The following CFAP61 variants were observed in gnomAD, a reference collection of about 807,000 sequenced individuals.
CFAP61 encodes the protein cilia and flagella associated protein 61.
Under a neutral mutation model 135.6 loss-of-function variants are expected in CFAP61, and 107 were observed. That is an observed-to-expected ratio of 0.79 (90% confidence interval 0.67 to 0.93). The LOEUF (loss-of-function observed/expected upper bound fraction) is 0.93. Among genes scored for constraint, CFAP61 ranks in the 40% least tolerant of loss-of-function variants. CFAP61 has a pLI of 0.00. For synonymous variants in CFAP61, 575 were observed against 578.5 expected, an observed-to-expected ratio of 0.99 and a Z score of 0.09; for missense variants, 1,507 against 1,556.2, an observed-to-expected ratio of 0.97 and a Z score of 0.53.
At chr20:20,136,005 A>G (rs2050893209) in intron 8 of CFAP61, among the ~76,000 whole-genome samples, 2 of 152,050 alleles carry the variant, frequency 1.3e-5, no homozygotes, top group Admixed American at 6.5e-5. Flanking sequence ...TGCCAGATAT[A>G]CTATTCTAGG....
At chr20:20,279,199 C>T (rs983933222) in intron 22 of CFAP61, among the ~76,000 whole-genome samples, 23 of 152,034 alleles carry the variant, frequency 1.5e-4, no homozygotes, top group Non-Finnish European at 3.2e-4. Context: ...GAATCAAACT[C>T]CTGACAAAAA....
At chr20:20,340,994 C>G (rs2058423632) in intron 25 of CFAP61, among the ~76,000 whole-genome samples, 1 of 152,100 alleles carries the variant, frequency 6.6e-6, no homozygotes, top group Non-Finnish European at 1.5e-5. Context: ...ACTTTTACGT[C>G]TTGGAAAACG....
intron 19 of CFAP61, 46 bp downstream of exon 19, chr20:20,246,261 C>T (rs1304002477): frequency 8.7e-7 from 1 of 1,151,720 alleles, no homozygotes; most frequent in Non-Finnish European, 1.3e-6. Flanking sequence ...AAATGTCCTA[C>T]TCTGTGTGCA....
intron 6 of CFAP61, among the ~76,000 whole-genome samples, chr20:20,078,576 C>G (rs949957328): frequency 6.6e-6 from 1 of 152,064 alleles, no homozygotes; most frequent in African/African-American, 2.4e-5. Flanking sequence ...TGTGAGTTGT[C>G]AGTTTGTCAG....
At chr20:20,191,226 T>C in intron 14 of CFAP61, 116 bp from the exon 15 acceptor site, 3 of 715,860 alleles carry the variant, frequency 4.2e-6, no homozygotes, top group Middle Eastern at 7.5e-4. Context: ...AAGTAGGTGT[T>C]GATAGATGTT....
At chr20:20,052,932 G>A (rs565319582) in intron 1 of CFAP61, among the ~76,000 whole-genome samples, 2 of 149,298 alleles carry the variant, frequency 1.3e-5, no homozygotes, top group Admixed American at 1.3e-4. Flanking sequence ...ATTCTAAGGT[G>A]CCCAAATAAT....
intron 7 of CFAP61, among the ~76,000 whole-genome samples, chr20:20,096,215 A>G (rs1208918954): frequency 6.6e-6 from 1 of 152,222 alleles, no homozygotes; most frequent in Non-Finnish European, 1.5e-5. Flanking sequence ...TTCATATTTA[A>G]GAATAGTGTT....
intron 9 of CFAP61, among the ~76,000 whole-genome samples, chr20:20,149,282 A>G (rs527529522): frequency 1.3e-5 from 2 of 152,350 alleles, no homozygotes; most frequent in South Asian, 2.1e-4. Context: ...GCAGATCAGT[A>G]TTTCTCATGA....
At chr20:20,098,522 T>A (rs1023694459) in intron 7 of CFAP61, 133 bp from the exon 8 acceptor site, 1 of 714,456 alleles carries the variant, frequency 1.4e-6, no homozygotes, top group Admixed American at 3.0e-5. Flanking sequence ...GGGAGAAGAA[T>A]TGCTTGAACT....
At chr20:20,193,859 C>G (rs1225363478) in intron 15 of CFAP61, among the ~76,000 whole-genome samples, 1 of 152,098 alleles carries the variant, frequency 6.6e-6, no homozygotes, top group East Asian at 1.9e-4. Flanking sequence ...GATGATCTGC[C>G]CCCCTCAACC....
rs575877039 is a variant in CFAP61, at chr20:20,177,635, A to G, written c.1385+8175A>G. ...CCAGCTTTATCCCAGGTGCTGGGGA[A>G]ACAGAAATGATGCAAACAGATAGAA... On this transcript the variant is annotated intron_variant, in intron 13 of 26. Coordinates refer to ENST00000245957, the MANE Select transcript of CFAP61 (RefSeq NM_015585.4). Among the ~76,000 whole-genome samples, 17 of 151,616 alleles carry G rather than the reference A, an allele frequency of 1.1e-4. 1 individual carries two copies. The South Asian group carries it at 3.6e-3, about 32-fold the overall frequency.
chr20:20,117,098 G>C (rs1403116782), intron 8 of CFAP61, among the ~76,000 whole-genome samples: 1 of 152,176 alleles, frequency 6.6e-6, no homozygotes, highest in Admixed American at 6.5e-5. Context: ...GCTCACACCT[G>C]TAATTCCAGC....
chr20:20,062,138 G>T (rs1276532338), intron 2 of CFAP61, among the ~76,000 whole-genome samples: 1 of 152,064 alleles, frequency 6.6e-6, no homozygotes, highest in Non-Finnish European at 1.5e-5. Flanking sequence ...GAGGAGCCCA[G>T]CCTCCAGCAA....
intron 8 of CFAP61, among the ~76,000 whole-genome samples, chr20:20,100,338 A>C (rs1345039082): frequency 6.6e-6 from 1 of 151,818 alleles, no homozygotes; most frequent in Non-Finnish European, 1.5e-5. Flanking sequence ...ACGCCCAGCT[A>C]ATTTTTGTAT....
chr20:20,277,059 G>A (rs1601773533), intron 21 of CFAP61, 107 bp from the exon 22 acceptor site: 1 of 862,986 alleles, frequency 1.2e-6, no homozygotes, highest in East Asian at 2.6e-5. Flanking sequence ...GCTTCCTGCA[G>A]CTGAAAAATG....
Position 20,110,121 on chromosome 20 carries a change from T to C in CFAP61, c.859+11307T>C, listed in dbSNP as rs540579029. ...CGGGGTTTCACCGTGTTGGCCAGGC[T>C]GGTCTCGAACTCCTAACCTCAGGTG... On this transcript the variant is annotated intron_variant, in intron 8 of 26. Transcript: ENST00000245957. Among the ~76,000 whole-genome samples the C allele has an allele frequency of 2.6e-4, 39 of 152,218 alleles. 1 individual carries two copies. The South Asian group carries it at 8.1e-3, about 32-fold the overall frequency.
At chr20:20,143,190 C>A (rs943454005) in intron 9 of CFAP61, among the ~76,000 whole-genome samples, 3 of 152,204 alleles carry the variant, frequency 2.0e-5, no homozygotes, top group Admixed American at 6.5e-5. Flanking sequence ...GAGTGTCAGC[C>A]TTTCTCTACC....
chr20:20,284,284 ATTTTATTTTATTTTATTTTG>A (rs57360211), intron 22 of CFAP61, among the ~76,000 whole-genome samples: 2,278 of 52,256 alleles, frequency 0.044, 71 homozygotes, highest in African/African-American at 0.12. Flanking sequence ...ATTTTATTTT[ATTTTATTTTATTTTATTTTG>A]AGATGGAGTC....
intron 2 of CFAP61, among the ~76,000 whole-genome samples, chr20:20,059,868 T>C (rs1158662070): frequency 5.9e-5 from 9 of 152,090 alleles, no homozygotes; most frequent in Non-Finnish European, 1.2e-4. Context: ...AGTTAGACTT[T>C]TAGAAGAAGA....
Sources: allele counts gnomAD v4.1 joint callset (sites outside exome capture counted in the v4.1 genomes callset), GRCh38; gene constraint gnomAD v4.1.1; transcripts MANE v1.5; gene names NCBI Gene and HGNC (gene_info 2026-07-23, HGNC 2026-07-21).